MYOM2: variants seen among roughly 807,000 people sequenced by gnomAD.
MYOM2 encodes myomesin 2.
A neutral mutation model predicts 187.6 loss-of-function variants in MYOM2; 254 were observed. That is an observed-to-expected ratio of 1.35 (90% CI 1.22 to 1.50). MYOM2 has a LOEUF of 1.50. Ranked by LOEUF, MYOM2 falls within the 40% of genes most tolerant of loss-of-function variation. MYOM2 has a pLI of 0.00. For synonymous variants in MYOM2, 981 were observed against 753.8 expected, an observed-to-expected ratio of 1.30 and a Z score of -4.94; for missense variants, 2,796 against 1,924.0, an observed-to-expected ratio of 1.45 and a Z score of -8.48.
At chr8:2,079,476 G>T in intron 12 of MYOM2, 84 bp from the exon 13 acceptor site, 3 of 1,322,978 alleles carry the variant, frequency 2.3e-6, no homozygotes, top group Non-Finnish European at 3.3e-6. Flanking sequence ...CAGAGGAGAT[G>T]CAGAGCTGGC....
Position 2,115,992 on chromosome 8 carries a change from C to T in MYOM2, c.3213C>T (p.Gly1071=). Residue 1071 remains glycine, a synonymous_variant, in exon 26 of 37, where the codon GGC becomes GGT. Transcript: ENST00000262113. The stretch of plus-strand genomic sequence containing the variant: ...GAATTAAATGTGACAAAGCTACTGG[C>T]ATTATTGAGATGGTGATGGATCGAT... The part of the protein sequence containing the change: ...IHRIKCDKAT[G]IIEMVMDRFS... The T allele has an allele frequency of 6.2e-7, 1 of 1,613,932 alleles. No homozygotes were observed. The highest frequency in any genetic ancestry group is 8.5e-7 in the Non-Finnish European group (1 of 1,179,966).
At chr8:2,100,193 C>G (rs1796658856) in intron 19 of MYOM2, among the ~76,000 whole-genome samples, 1 of 148,724 alleles carries the variant, frequency 6.7e-6, no homozygotes. Flanking sequence ...TCCTTCCCTC[C>G]CTGCCTCCCG....
Position 2,142,395 on chromosome 8 carries a change from A to T in MYOM2, c.4022A>T (p.Lys1341Met). 2 of 1,613,858 alleles carry T rather than the reference A, an allele frequency of 1.2e-6. No individual in the cohort carries two copies. Among genetic ancestry groups the T allele is most frequent in the Non-Finnish European group, 1.7e-6 (2 of 1,179,728 alleles). ...TTTAGAGCTGCTGCTTTTGCAGAGA[A>T]GAGTAAGTACCTGTTGGATTGTAAC... ...QQFKAAAFAE[K>M]NRGRLIGGLP... The change falls in exon 35 of 37, where the codon AAG becomes ATG. Residue 1341 changes from lysine to methionine, a missense_variant and splice_region_variant. Lys to Met is a moderately conservative substitution (Grantham distance 95, BLOSUM62 -1). Coordinates refer to ENST00000262113, the MANE Select transcript of MYOM2 (RefSeq NM_003970.4).
chr8:2,062,244 G>A (rs1431831051), intron 6 of MYOM2, among the ~76,000 whole-genome samples: 1 of 152,214 alleles, frequency 6.6e-6, no homozygotes, highest in Non-Finnish European at 1.5e-5. Flanking sequence ...GCTGGAGGGA[G>A]GCGGGGAGAC....
At chr8:2,070,732 A>G (rs1396650129) in intron 8 of MYOM2, among the ~76,000 whole-genome samples, 3 of 152,250 alleles carry the variant, frequency 2.0e-5, no homozygotes, top group Non-Finnish European at 4.4e-5. Context: ...ACAGAGGGAA[A>G]TATCTTGCTA....
intron 31 of MYOM2, among the ~76,000 whole-genome samples, chr8:2,127,235 T>A (rs1797679430): frequency 6.6e-6 from 1 of 152,126 alleles, no homozygotes; most frequent in African/African-American, 2.4e-5. Context: ...GGTGAACTCC[T>A]GTCTCCGAGT....
At chr8:2,101,504 G>T (rs1047356478) in intron 20 of MYOM2, among the ~76,000 whole-genome samples, 3 of 152,204 alleles carry the variant, frequency 2.0e-5, no homozygotes, top group African/African-American at 7.2e-5. Flanking sequence ...AGATGACCGG[G>T]GCGTGGCTGC....
chr8:2,051,419 CTGTT>C (rs1471302465), intron 2 of MYOM2, among the ~76,000 whole-genome samples: 3 of 152,140 alleles, frequency 2.0e-5, no homozygotes, highest in Non-Finnish European at 2.9e-5. Flanking sequence ...CCCATGGACA[CTGTT>C]TGTGTAGCAG....
chr8:2,066,257 C>T (rs1297365856), intron 6 of MYOM2, among the ~76,000 whole-genome samples: 1 of 152,348 alleles, frequency 6.6e-6, no homozygotes. Flanking sequence ...TGGTTTATGG[C>T]TCCCTCCTTG....
intron 8 of MYOM2, 149 bp downstream of exon 8, chr8:2,069,646 A>T: frequency 1.1e-6 from 1 of 925,672 alleles, no homozygotes; most frequent in South Asian, 1.6e-5. Context: ...CAGTGGTGCC[A>T]TCTCGGCTCA....
chr8:2,054,728 G>A (rs1818599573), intron 3 of MYOM2, among the ~76,000 whole-genome samples: 1 of 152,226 alleles, frequency 6.6e-6, no homozygotes, highest in Non-Finnish European at 1.5e-5. Context: ...ACTCATCACA[G>A]TGCTGCGTGG....
chr8:2,128,290 T>C (rs1330173536), intron 31 of MYOM2, among the ~76,000 whole-genome samples: 1 of 152,208 alleles, frequency 6.6e-6, no homozygotes, highest in Non-Finnish European at 1.5e-5. Context: ...ATTCATAATA[T>C]AAATTTCAAG....
In MYOM2 at chr8:2,074,452, T is replaced by C. The variant is rs576907241; in HGVS notation, c.1120+952T>C. Reference sequence around the variant, plus strand: ...GGGGCCCACCTACTCCCACTCCTCCTTTTTTTTTAGTTTTGTTTTTGAGAT... The same window carrying C: ...GGGGCCCACCTACTCCCACTCCTCCCTTTTTTTTAGTTTTGTTTTTGAGAT... On this transcript the variant is annotated intron_variant, in intron 10 of 36. Transcript: ENST00000262113. Among the ~76,000 whole-genome samples the C allele has an allele frequency of 1.9e-3, 288 of 150,910 alleles. 1 individual carries two copies. The highest frequency in any genetic ancestry group is 6.2e-3 in the African/African-American group (256 of 41,114).
chr8:2,116,821 C>T (rs993644679), intron 27 of MYOM2, among the ~76,000 whole-genome samples: 4 of 152,056 alleles, frequency 2.6e-5, no homozygotes, highest in Non-Finnish European at 5.9e-5. Flanking sequence ...GCGGTGATGC[C>T]ATCTTGGCTC....
intron 13 of MYOM2, among the ~76,000 whole-genome samples, chr8:2,079,973 C>A (rs927031369): frequency 1.3e-5 from 2 of 152,142 alleles, no homozygotes; most frequent in South Asian, 4.1e-4. Flanking sequence ...ATTGTGAAAT[C>A]GATTTCATTT....
At position 2,084,587 on chromosome 8, in the gene MYOM2, C is replaced by T. The variant is rs114317155; in HGVS notation, c.1517-676C>T. Among the ~76,000 whole-genome samples, 1,494 of 152,304 alleles carry T rather than the reference C, an allele frequency of 9.8e-3. 29 individuals carry two copies. The highest frequency in any genetic ancestry group is 0.035 in the African/African-American group (1,438 of 41,562). On this transcript the variant is annotated intron_variant, in intron 13 of 36. Transcript: ENST00000262113. ...CTATAAATTCAAACAGAAATCCCCA[C>T]ACCTCATAGTATATTTAAAAAAGAT...
chr8:2,135,438 T>C (rs970234057), intron 32 of MYOM2, among the ~76,000 whole-genome samples: 2 of 152,322 alleles, frequency 1.3e-5, no homozygotes, highest in South Asian at 4.1e-4. Flanking sequence ...TTTTGGGAAA[T>C]GTGAAAGGCA....
chr8:2,130,467 T>A (rs1797825661), intron 32 of MYOM2, among the ~76,000 whole-genome samples: 1 of 152,250 alleles, frequency 6.6e-6, no homozygotes, highest in Admixed American at 6.5e-5. Flanking sequence ...GATATCATAG[T>A]TACCTAATGA....
chr8:2,068,174 G>A (rs889395230), intron 6 of MYOM2, among the ~76,000 whole-genome samples: 16 of 151,910 alleles, frequency 1.1e-4, no homozygotes, highest in African/African-American at 3.9e-4. Context: ...TTCAATGCCT[G>A]TGCACACCAG....
Sources: gnomAD v4.1 joint callset for allele counts (sites outside exome capture counted in the v4.1 genomes callset) on GRCh38, gnomAD v4.1.1 for gene constraint, MANE v1.5 for transcripts, NCBI Gene and HGNC (gene_info 2026-07-23, HGNC 2026-07-21) for gene names.